Variants in SEMA3E observed in about 807,000 individuals in gnomAD.
SEMA3E encodes the protein semaphorin 3E.
In SEMA3E, 49 loss-of-function variants were observed where a neutral mutation model predicts 93.6. That is an observed-to-expected ratio of 0.52 (90% CI 0.42 to 0.66). The LOEUF is 0.66. Ranked by LOEUF, SEMA3E falls within the 30% of genes least tolerant of loss-of-function variation. SEMA3E has a pLI of 0.00. For missense variants in SEMA3E, 906 were observed against 964.8 expected, an observed-to-expected ratio of 0.94 and a Z score of 0.81; for synonymous variants, 363 against 330.7, an observed-to-expected ratio of 1.10 and a Z score of -1.06.
At chr7:83,602,705 T>C (rs2115987926) in intron 1 of SEMA3E, among the ~76,000 whole-genome samples, 1 of 152,206 alleles carries the variant, frequency 6.6e-6, no homozygotes, top group African/African-American at 2.4e-5. Context: ...CTCCATCTCT[T>C]GACCTTGTGA....
chr7:83,423,524 G>A (rs1462468454), intron 4 of SEMA3E, among the ~76,000 whole-genome samples: 2 of 130,348 alleles, frequency 1.5e-5, no homozygotes, highest in African/African-American at 2.8e-5. Flanking sequence ...TTTTTTTTGA[G>A]ACAGAGTCTC....
Position 83,406,978 on chromosome 7 carries a change from A to G in SEMA3E, c.813+119T>C, listed in dbSNP as rs545427928. ...GTAGAGGTTGGTATAGTAAATATCA[A>G]TTGTAGGCAGTCTAAAGAATACTAG... is the stretch of plus-strand genomic sequence containing the variant. On this transcript the variant is annotated intron_variant, in intron 7 of 16. Transcript: ENST00000643230. 14 of 1,194,498 alleles carry G rather than the reference A, an allele frequency of 1.2e-5. No individual in the cohort carries two copies. In the East Asian group the frequency reaches 1.7e-4, roughly 15 times the overall value. The allele number at this position is 1,194,498 out of a possible 1,614,324, so 74.0% of individuals were successfully genotyped here.
intron 1 of SEMA3E, among the ~76,000 whole-genome samples, chr7:83,648,029 T>C (rs1794102023): frequency 6.6e-6 from 1 of 152,196 alleles, no homozygotes; most frequent in Admixed American, 6.5e-5. Flanking sequence ...TATAGCCCTT[T>C]CCCAGCATCC....
chr7:83,560,601 G>A (rs978164298), intron 1 of SEMA3E, among the ~76,000 whole-genome samples: 2 of 151,890 alleles, frequency 1.3e-5, no homozygotes, highest in African/African-American at 4.8e-5. Flanking sequence ...TGCATGTGTG[G>A]TTCTTAGAAT....
At chr7:83,424,190 T>G (rs73391476) in intron 4 of SEMA3E, among the ~76,000 whole-genome samples, 4,346 of 152,262 alleles carry the variant, frequency 0.029, 232 homozygotes, top group African/African-American at 0.099. Flanking sequence ...CAGATTAGAT[T>G]GTAGTTTGGG....
intron 4 of SEMA3E, among the ~76,000 whole-genome samples, chr7:83,449,461 T>C (rs1206075576): frequency 2.0e-5 from 3 of 151,976 alleles, no homozygotes; most frequent in African/African-American, 4.8e-5. Context: ...TCATTTTTTA[T>C]ATTTAATTTC....
chr7:83,636,850 C>T (rs1422510185), intron 1 of SEMA3E, among the ~76,000 whole-genome samples: 4 of 152,068 alleles, frequency 2.6e-5, no homozygotes, highest in Non-Finnish European at 1.5e-5. Flanking sequence ...GCCCAAGCTC[C>T]TCCTGTTCAT....
At chr7:83,451,258 A>T (rs1355790521) in intron 4 of SEMA3E, among the ~76,000 whole-genome samples, 1 of 152,182 alleles carries the variant, frequency 6.6e-6, no homozygotes, top group African/African-American at 2.4e-5. Context: ...GCAGTTCTTT[A>T]TAGCAGCATG....
intron 1 of SEMA3E, among the ~76,000 whole-genome samples, chr7:83,527,319 A>C (rs1295692513): frequency 6.6e-6 from 1 of 152,120 alleles, no homozygotes; most frequent in Non-Finnish European, 1.5e-5. Flanking sequence ...CACTTGTGGT[A>C]CTTTGTTATG....
intron 1 of SEMA3E, among the ~76,000 whole-genome samples, chr7:83,526,724 G>C (rs73176569): frequency 3.4e-3 from 522 of 152,260 alleles, no homozygotes; most frequent in Non-Finnish European, 5.1e-3. Flanking sequence ...TTATAGTTCA[G>C]TGGTTTGTGC....
intron 1 of SEMA3E, among the ~76,000 whole-genome samples, chr7:83,517,265 A>C (rs867312002): frequency 6.6e-6 from 1 of 152,044 alleles, no homozygotes; most frequent in Non-Finnish European, 1.5e-5. Flanking sequence ...GCCTTTACAC[A>C]CTCCATTCTC....
chr7:83,448,152 A>T (rs2115809001), intron 4 of SEMA3E, among the ~76,000 whole-genome samples: 1 of 152,328 alleles, frequency 6.6e-6, no homozygotes, highest in South Asian at 2.1e-4. Flanking sequence ...TCAAGCCAAT[A>T]TTTTAATTAG....
chr7:83,448,995 GT>G (rs1789295985), intron 4 of SEMA3E, among the ~76,000 whole-genome samples: 1 of 151,966 alleles, frequency 6.6e-6, no homozygotes, highest in Non-Finnish European at 1.5e-5. Context: ...CTTATGTTAA[GT>G]ACTTAATTTA....
intron 16 of SEMA3E, among the ~76,000 whole-genome samples, chr7:83,368,351 G>A (rs537997805): frequency 6.6e-6 from 1 of 152,032 alleles, no homozygotes; most frequent in Non-Finnish European, 1.5e-5. Context: ...TTAATCATTA[G>A]AAAAAATACA....
At chr7:83,507,426 G>C (rs950700523) in intron 1 of SEMA3E, among the ~76,000 whole-genome samples, 1 of 59,100 alleles carries the variant, frequency 1.7e-5, no homozygotes, top group African/African-American at 1.6e-4. Context: ...ACAGAACTCT[G>C]TGTGTGTGTG....
intron 1 of SEMA3E, among the ~76,000 whole-genome samples, chr7:83,621,173 A>C (rs189490394): frequency 1.3e-5 from 2 of 152,282 alleles, no homozygotes; most frequent in Non-Finnish European, 2.9e-5. Context: ...TAATATGCAA[A>C]ATTTGCTAGC....
At chr7:83,638,196 C>T (rs1340692727) in intron 1 of SEMA3E, among the ~76,000 whole-genome samples, 1 of 152,118 alleles carries the variant, frequency 6.6e-6, no homozygotes, top group Non-Finnish European at 1.5e-5. Flanking sequence ...GGAAACAACA[C>T]AGCTTTATCG....
At chr7:83,543,319 T>C (rs1283094893) in intron 1 of SEMA3E, among the ~76,000 whole-genome samples, 2 of 151,970 alleles carry the variant, frequency 1.3e-5, no homozygotes, top group Non-Finnish European at 2.9e-5. Flanking sequence ...ATGTTTAACA[T>C]GTTGTTCCAA....
intron 1 of SEMA3E, among the ~76,000 whole-genome samples, chr7:83,515,196 G>T (rs1271474206): frequency 1.3e-5 from 2 of 151,464 alleles, no homozygotes; most frequent in African/African-American, 4.9e-5. Flanking sequence ...CCTTCTCACT[G>T]CTCCAGGCAC....
Sources: allele counts gnomAD v4.1 joint callset (sites outside exome capture counted in the v4.1 genomes callset), GRCh38; gene constraint gnomAD v4.1.1; transcripts MANE v1.5; gene names NCBI Gene and HGNC (gene_info 2026-07-23, HGNC 2026-07-21).